The following KCNQ3 variants were observed in gnomAD, a reference collection of about 807,000 sequenced individuals.
The protein encoded by KCNQ3 is potassium voltage-gated channel subfamily KQT member 3.
In KCNQ3, 30 loss-of-function variants were observed where a neutral mutation model predicts 92.5. That is an observed-to-expected ratio of 0.32 (90% confidence interval 0.24 to 0.44). KCNQ3 has a LOEUF of 0.44. Among genes scored for constraint, KCNQ3 ranks in the 20% least tolerant of loss-of-function variants. KCNQ3 has a pLI of 1.00. For missense variants in KCNQ3, 913 were observed against 1,140.3 expected, an observed-to-expected ratio of 0.80 and a Z score of 2.87; for synonymous variants, 450 against 468.8, an observed-to-expected ratio of 0.96 and a Z score of 0.52.
chr8:132,368,992 GAC>G (rs1266511366), intron 1 of KCNQ3, among the ~76,000 whole-genome samples: 1 of 152,128 alleles, frequency 6.6e-6, no homozygotes, highest in Non-Finnish European at 1.5e-5. Context: ...TCTAGACTAT[GAC>G]AGTTTTTTAA....
chr8:132,400,380 A>G (rs115644539), intron 1 of KCNQ3, among the ~76,000 whole-genome samples: 2,940 of 152,290 alleles, frequency 0.019, 90 homozygotes, highest in African/African-American at 0.067. Context: ...CTTGTGCTCA[A>G]GTCTGCGTTT....
At chr8:132,255,508 A>G (rs907784952) in intron 1 of KCNQ3, among the ~76,000 whole-genome samples, 2 of 152,224 alleles carry the variant, frequency 1.3e-5, no homozygotes, top group African/African-American at 4.8e-5. Context: ...AACCAAGTGC[A>G]TATCTTGTCT....
intron 1 of KCNQ3, among the ~76,000 whole-genome samples, chr8:132,342,481 TG>T (rs1473161792): frequency 6.6e-6 from 1 of 152,112 alleles, no homozygotes; most frequent in Admixed American, 6.5e-5. Context: ...GGCCTATGGA[TG>T]TGTTTTGTTG....
intron 12 of KCNQ3, among the ~76,000 whole-genome samples, chr8:132,136,451 T>C (rs1057086626): frequency 6.6e-6 from 1 of 152,174 alleles, no homozygotes; most frequent in Admixed American, 6.5e-5. Context: ...AAAGATTTGA[T>C]ACATTTTAAA....
chr8:132,389,279 A>G (rs1204765549), intron 1 of KCNQ3, among the ~76,000 whole-genome samples: 1 of 152,162 alleles, frequency 6.6e-6, no homozygotes, highest in Admixed American at 6.5e-5. Flanking sequence ...CAACATGGTG[A>G]AACCCCGTCT....
At chr8:132,214,349 T>C (rs28523943) in intron 1 of KCNQ3, among the ~76,000 whole-genome samples, 1,796 of 152,366 alleles carry the variant, frequency 0.012, 17 homozygotes, top group South Asian at 0.049. Context: ...TCTCTCTCTC[T>C]CCTTTCTTTC....
chr8:132,242,917 A>G (rs1306817337), intron 1 of KCNQ3, among the ~76,000 whole-genome samples: 1 of 152,232 alleles, frequency 6.6e-6, no homozygotes, highest in Non-Finnish European at 1.5e-5. Flanking sequence ...ATAAGGAGGT[A>G]GCTCTGGGTT....
intron 1 of KCNQ3, among the ~76,000 whole-genome samples, chr8:132,387,440 T>A (rs1261352852): frequency 1.3e-5 from 2 of 152,198 alleles, no homozygotes; most frequent in African/African-American, 4.8e-5. Context: ...ATAGGAAACA[T>A]CTTAATTAAT....
intron 1 of KCNQ3, among the ~76,000 whole-genome samples, chr8:132,286,411 T>C (rs13249479): frequency 0.59 from 89,604 of 152,122 alleles, 27,368 homozygotes; most frequent in East Asian, 0.82. Flanking sequence ...GTGTTTCAGA[T>C]TTGCTTTGGG....
In KCNQ3 at chr8:132,126,555, C is replaced by G. The variant is rs1824674953; in HGVS notation, c.*2707G>C. The G allele has an allele frequency of 6.6e-6, 1 of 152,006 alleles. No individual in the cohort carries two copies. Among genetic ancestry groups the G allele is most frequent in the African/African-American group, 2.4e-5 (1 of 41,368 alleles). 9.4% of individuals were successfully genotyped at this position (152,006 alleles called of 1,614,324 possible). A position where few individuals can be genotyped will look rare whatever the true frequency, so the allele number is the denominator to read the frequency against. ...TTTCTTAAATGGGAAAAAAACAGCT[C>G]TTAAGGTTCTTATTATTTATTCATT... On this transcript the variant is annotated 3_prime_UTR_variant, in exon 15 of 15. Transcript: ENST00000388996.
At chr8:132,392,389 C>T (rs1820071501) in intron 1 of KCNQ3, among the ~76,000 whole-genome samples, 1 of 152,098 alleles carries the variant, frequency 6.6e-6, no homozygotes, top group Non-Finnish European at 1.5e-5. Flanking sequence ...ATGCGCTCTC[C>T]TCTTCCTAAA....
At chr8:132,473,472 TA>T (rs1822337803) in intron 1 of KCNQ3, among the ~76,000 whole-genome samples, 1 of 152,218 alleles carries the variant, frequency 6.6e-6, no homozygotes, top group Non-Finnish European at 1.5e-5. Context: ...TATGTTCCAT[TA>T]GGCAGAGATT....
At chr8:132,288,796 C>T (rs1281470975) in intron 1 of KCNQ3, among the ~76,000 whole-genome samples, 3 of 152,124 alleles carry the variant, frequency 2.0e-5, no homozygotes, top group Non-Finnish European at 4.4e-5. Flanking sequence ...CTAGCATTGT[C>T]CCTGACCCAC....
intron 1 of KCNQ3, among the ~76,000 whole-genome samples, chr8:132,314,123 C>T (rs1308567321): frequency 4.6e-5 from 7 of 152,068 alleles, no homozygotes; most frequent in Non-Finnish European, 1.0e-4. Flanking sequence ...CAAGCCAAAC[C>T]AAGCATTATA....
At chr8:132,234,338 G>GT (rs756218792) in intron 1 of KCNQ3, among the ~76,000 whole-genome samples, 1,590 of 85,644 alleles carry the variant, frequency 0.019, 91 homozygotes, top group African/African-American at 0.026. Flanking sequence ...TCCATGAAAA[G>GT]TTTTTTTTTT....
intron 1 of KCNQ3, among the ~76,000 whole-genome samples, chr8:132,446,084 T>C (rs1228008506): frequency 6.6e-6 from 1 of 152,114 alleles, no homozygotes; most frequent in African/African-American, 2.4e-5. Flanking sequence ...GAGGTCTTTA[T>C]CAGATGGGAG....
chr8:132,339,862 T>C (rs1055873698), intron 1 of KCNQ3, among the ~76,000 whole-genome samples: 4 of 151,942 alleles, frequency 2.6e-5, no homozygotes, highest in Non-Finnish European at 4.4e-5. Flanking sequence ...GTAGCTTTTA[T>C]TGGAAGATTT....
At chr8:132,331,120 A>T (rs998774930) in intron 1 of KCNQ3, among the ~76,000 whole-genome samples, 2 of 152,140 alleles carry the variant, frequency 1.3e-5, no homozygotes, top group African/African-American at 4.8e-5. Context: ...ACCTTCTAGG[A>T]ACCAGGCACT....
chr8:132,224,111 C>CTTTTTTTTTTTTTTTTTTTT (rs1178797269), intron 1 of KCNQ3, among the ~76,000 whole-genome samples: 20 of 63,762 alleles, frequency 3.1e-4, no homozygotes, highest in African/African-American at 8.9e-4. Flanking sequence ...TTTTTTTTTG[C>CTTTTTTTTTTTTTTTTTTTT]TTTTGGAGAG....
Sources: gnomAD v4.1 joint callset for allele counts (sites outside exome capture counted in the v4.1 genomes callset) on GRCh38, gnomAD v4.1.1 for gene constraint, MANE v1.5 for transcripts, NCBI Gene and HGNC (gene_info 2026-07-23, HGNC 2026-07-21) for gene names.